ZSWIM6: variants seen among roughly 807,000 people sequenced by gnomAD.
The protein encoded by ZSWIM6 is zinc finger SWIM-type containing 6.
A neutral mutation model predicts 113.2 loss-of-function variants in ZSWIM6; 9 were observed. The ratio of observed to expected loss-of-function variants is 0.08; its 90% CI spans 0.05 to 0.14. ZSWIM6 has a LOEUF of 0.14. ZSWIM6 is among the 10% of genes least tolerant of loss of function. ZSWIM6 has a pLI of 1.00. For synonymous variants in ZSWIM6, 611 were observed against 606.5 expected, an observed-to-expected ratio of 1.01 and a Z score of -0.11; for missense variants, 1,162 against 1,552.2, an observed-to-expected ratio of 0.75 and a Z score of 4.22.
intron 3 of ZSWIM6, among the ~76,000 whole-genome samples, chr5:61,493,851 A>C (rs2112218930): frequency 6.6e-6 from 1 of 152,182 alleles, no homozygotes; most frequent in South Asian, 2.1e-4. Context: ...TAGATAAGAG[A>C]GATACTTTGA....
intron 1 of ZSWIM6, among the ~76,000 whole-genome samples, chr5:61,347,906 G>A (rs1744694628): frequency 6.6e-6 from 1 of 152,178 alleles, no homozygotes; most frequent in African/African-American, 2.4e-5. Flanking sequence ...TGTTAAGCAT[G>A]TGATCTTTTT....
intron 1 of ZSWIM6, among the ~76,000 whole-genome samples, chr5:61,385,482 G>T (rs1456455372): frequency 2.0e-5 from 3 of 152,188 alleles, no homozygotes; most frequent in Non-Finnish European, 4.4e-5. Flanking sequence ...AGTTAGACCT[G>T]AGTTTAGATC....
chr5:61,368,105 TG>T (rs957028964), intron 1 of ZSWIM6, among the ~76,000 whole-genome samples: 133 of 152,286 alleles, frequency 8.7e-4, no homozygotes, highest in African/African-American at 3.0e-3. Flanking sequence ...CCAGCCTGGG[TG>T]ACAGAGAAAG....
At chr5:61,542,114 C>A in intron 13 of ZSWIM6, 149 bp downstream of exon 13, 1 of 602,586 alleles carries the variant, frequency 1.7e-6, no homozygotes, top group Non-Finnish European at 2.9e-6. Flanking sequence ...TCTCCCTGAC[C>A]CCTTACCCCT....
At chr5:61,402,356 AC>A (rs956641381) in intron 1 of ZSWIM6, among the ~76,000 whole-genome samples, 3 of 152,242 alleles carry the variant, frequency 2.0e-5, no homozygotes, top group African/African-American at 7.2e-5. Context: ...GTTTTTAGTT[AC>A]AGCAGATCTT....
At chr5:61,416,522 C>T (rs1467886487) in intron 1 of ZSWIM6, among the ~76,000 whole-genome samples, 1 of 152,172 alleles carries the variant, frequency 6.6e-6, no homozygotes, top group Non-Finnish European at 1.5e-5. Flanking sequence ...TCTTGATTCT[C>T]TCAGAAGTGA....
rs1293264790 is a variant in ZSWIM6 at position 61,535,635 on chromosome 5, C to T, written c.2381+16C>T. On this transcript the variant is annotated intron_variant, in intron 10 of 13. Transcript: ENST00000252744. ...GAGCAATGCGGTATGTATTCACAGC[C>T]CAGCTGGGCAGAGGCAGGCCACATT... 1 of 1,550,302 alleles carries T rather than the reference C, an allele frequency of 6.5e-7. No individual in the cohort carries two copies. Among genetic ancestry groups the T allele is most frequent in the Admixed American group, 2.0e-5 (1 of 50,986 alleles).
chr5:61,345,158 T>G (rs1744630085), intron 1 of ZSWIM6, among the ~76,000 whole-genome samples: 1 of 152,224 alleles, frequency 6.6e-6, no homozygotes, highest in African/African-American at 2.4e-5. Flanking sequence ...CTGAATTAGT[T>G]TATATAATTA....
intron 1 of ZSWIM6, among the ~76,000 whole-genome samples, chr5:61,462,609 C>T (rs1273695489): frequency 6.6e-6 from 1 of 152,160 alleles, no homozygotes; most frequent in African/African-American, 2.4e-5. Flanking sequence ...TTGGCATTTC[C>T]AGCAGCAAGT....
chr5:61,347,027 T>C (rs1744673901), intron 1 of ZSWIM6: 1 of 152,400 alleles, frequency 6.6e-6, no homozygotes, highest in African/African-American at 2.4e-5. Context: ...TTTAGATGTG[T>C]TAGACAACAA....
At chr5:61,341,236 C>T (rs1470110985) in intron 1 of ZSWIM6, among the ~76,000 whole-genome samples, 1 of 15,262 alleles carries the variant, frequency 6.6e-5, no homozygotes, top group Non-Finnish European at 1.1e-4. Context: ...GTGTGCCCTA[C>T]AATGGGGGTG....
At chr5:61,412,310 G>C (rs1032834539) in intron 1 of ZSWIM6, among the ~76,000 whole-genome samples, 1 of 152,198 alleles carries the variant, frequency 6.6e-6, no homozygotes, top group Non-Finnish European at 1.5e-5. Context: ...GGCATCGTTT[G>C]CTGGGAAATG....
rs1744291907 is a variant in ZSWIM6 at position 61,332,815 on chromosome 5, C to T, written c.543C>T (p.Ala181=). 1 of 948,114 alleles carries T rather than the reference C, an allele frequency of 1.1e-6. No homozygotes were observed. Among genetic ancestry groups the T allele is most frequent in the Non-Finnish European group, 1.2e-6 (1 of 801,718 alleles). 58.7% of individuals were successfully genotyped at this position (948,114 alleles called of 1,614,324 possible). A position where few individuals can be genotyped will look rare whatever the true frequency, so the allele number is the denominator to read the frequency against. ...CTGCCGCCGCCGCCGCCGCCGCCGC[C>T]GCCGCCGCGGGGGCCGGGGCCCCGT... ...AAAAAAAAAA[A]AAAGAGAPSV... Residue 181 remains alanine (A), a synonymous_variant, in exon 1 of 14, where the codon GCC becomes GCT. Coordinates refer to ENST00000252744, the MANE Select transcript of ZSWIM6 (RefSeq NM_020928.2).
intron 3 of ZSWIM6, among the ~76,000 whole-genome samples, chr5:61,492,852 G>T (rs1748217490): frequency 6.6e-6 from 1 of 152,064 alleles, no homozygotes; most frequent in Non-Finnish European, 1.5e-5. Context: ...CTTTATTGAA[G>T]ATCTACTATT....
At chr5:61,469,887 T>G (rs1260826772) in intron 1 of ZSWIM6, among the ~76,000 whole-genome samples, 6 of 152,170 alleles carry the variant, frequency 3.9e-5, no homozygotes, top group Admixed American at 3.9e-4. Context: ...TTTTGTATTT[T>G]TAGTAGAGAC....
At position 61,543,318 on chromosome 5, in the gene ZSWIM6, T is replaced by C. The variant is rs1749792554; in HGVS notation, c.2786-137T>C. 2.9e-6 allele frequency: 3 copies of C among 1,021,718 alleles called. No individual in the cohort carries two copies. Among genetic ancestry groups the C allele is most frequent in the Non-Finnish European group, 2.8e-6 (2 of 722,116 alleles). The allele number at this position is 1,021,718 out of a possible 1,614,324, so 63.3% of individuals were successfully genotyped here. On this transcript the variant is annotated intron_variant, in intron 13 of 13. Coordinates refer to ENST00000252744, the MANE Select transcript of ZSWIM6 (RefSeq NM_020928.2). This position sits in a 1 kb window ranked among gnomAD's most constrained non-coding sequence, Gnocchi z 4.3. ...TCTTAAAGGTTTCTCACAGGCACAT[T>C]ACTTTACAGGATTTTCTAGCCTAGC...
chr5:61,387,408 A>T (rs1054535303), intron 1 of ZSWIM6, among the ~76,000 whole-genome samples: 1 of 152,232 alleles, frequency 6.6e-6, no homozygotes, highest in Non-Finnish European at 1.5e-5. Flanking sequence ...CCATGCCTTT[A>T]ATCTCAGCAC....
intron 4 of ZSWIM6, among the ~76,000 whole-genome samples, chr5:61,515,485 G>A (rs1364487355): frequency 6.6e-6 from 1 of 152,126 alleles, no homozygotes; most frequent in Non-Finnish European, 1.5e-5. Context: ...ATGCATGCAA[G>A]AGCGTAGGTT....
At chr5:61,411,074 C>A (rs933203292) in intron 1 of ZSWIM6, among the ~76,000 whole-genome samples, 3 of 152,198 alleles carry the variant, frequency 2.0e-5, no homozygotes, top group African/African-American at 7.2e-5. Flanking sequence ...CTCTCCATCT[C>A]TCTGCTTGTC....
Sources: allele counts gnomAD v4.1 joint callset (sites outside exome capture counted in the v4.1 genomes callset), GRCh38; gene constraint gnomAD v4.1.1; non-coding constraint Gnocchi (gnomAD v3.1); transcripts MANE v1.5; gene names NCBI Gene and HGNC (gene_info 2026-07-23, HGNC 2026-07-21).